Variants in BICC1 observed in about 807,000 individuals in gnomAD.
BICC1 encodes protein bicaudal C homolog 1.
BICC1 carries 43 observed loss-of-function variants against 111.0 expected under a neutral mutation model. The observed-to-expected ratio is 0.39, with a 90% CI of 0.30 to 0.50. BICC1 has a LOEUF of 0.50. Ranked by LOEUF, BICC1 falls within the 20% of genes least tolerant of loss-of-function variation. The probability of loss-of-function intolerance (pLI) is 0.88; values close to 1 mark genes in which losing one functional copy is unlikely to be tolerated. For synonymous variants in BICC1, 467 were observed against 434.4 expected, an observed-to-expected ratio of 1.07 and a Z score of -0.93; for missense variants, 1,091 against 1,203.2, an observed-to-expected ratio of 0.91 and a Z score of 1.38.
At chr10:58,754,380 G>A (rs1842079621) in intron 3 of BICC1, among the ~76,000 whole-genome samples, 1 of 152,198 alleles carries the variant, frequency 6.6e-6, no homozygotes, top group East Asian at 1.9e-4. Context: ...AACGAATGTA[G>A]CAAATTCTGT....
At chr10:58,529,271 A>G (rs1649015) in intron 1 of BICC1, among the ~76,000 whole-genome samples, 69,756 of 151,680 alleles carry the variant, frequency 0.46, 17,099 homozygotes, top group Admixed American at 0.62. Flanking sequence ...TAGCATCTAA[A>G]CCACTAGAGT....
At chr10:58,537,456 A>C (rs1842854293) in intron 1 of BICC1, among the ~76,000 whole-genome samples, 1 of 151,796 alleles carries the variant, frequency 6.6e-6, no homozygotes, top group South Asian at 2.1e-4. Flanking sequence ...AAAAATTCTC[A>C]ACAAACTAGT....
chr10:58,797,977 G>A (rs1843411260), intron 10 of BICC1, among the ~76,000 whole-genome samples: 1 of 152,190 alleles, frequency 6.6e-6, no homozygotes, highest in Non-Finnish European at 1.5e-5. Flanking sequence ...CCACAGGAAA[G>A]CATTCCCTAG....
In BICC1 at chr10:58,595,294, TAGAC is replaced by T. The variant is rs571058052; in HGVS notation, c.191-25557_191-25554del. Among the ~76,000 whole-genome samples the T allele has an allele frequency of 1.8e-3, 276 of 152,260 alleles. 2 individuals are homozygous for T. The highest frequency in any genetic ancestry group is 6.0e-3 in the African/African-American group (250 of 41,554). ...GATTTTAACACCCTACTGTCAATAT[TAGAC>T]AGATCAACGAGACAGAAAATTAACA... On this transcript the variant is annotated intron_variant, in intron 1 of 20. Transcript: ENST00000373886.
chr10:58,665,470 A>G (rs1395641662), intron 2 of BICC1, among the ~76,000 whole-genome samples: 6 of 152,080 alleles, frequency 3.9e-5, no homozygotes, highest in African/African-American at 1.2e-4. Context: ...CCTTGGCCTC[A>G]GAGAGTATTT....
Position 58,738,445 on chromosome 10 carries a change from A to G in BICC1, c.307+36302A>G, listed in dbSNP as rs144489666. 7.7e-3 allele frequency among the ~76,000 whole-genome samples: 1,174 copies of G among 152,172 alleles called. 19 individuals carry two copies. The highest frequency in any genetic ancestry group is 0.026 in the African/African-American group (1,092 of 41,508). Reference sequence around the variant, plus strand: ...GGGCTCTGTTCTGTTCCATTGGTCTATATCTCTGTGTTGGTGCCAGTACCA... The same window carrying G: ...GGGCTCTGTTCTGTTCCATTGGTCTGTATCTCTGTGTTGGTGCCAGTACCA... On this transcript the variant is annotated intron_variant, in intron 3 of 20. Transcript: ENST00000373886.
At chr10:58,750,317 C>T (rs1396620049) in intron 3 of BICC1, among the ~76,000 whole-genome samples, 1 of 152,032 alleles carries the variant, frequency 6.6e-6, no homozygotes, top group Non-Finnish European at 1.5e-5. Flanking sequence ...CAGCCATAGA[C>T]AAGCATTATT....
chr10:58,570,732 A>C (rs899558262), intron 1 of BICC1, among the ~76,000 whole-genome samples: 4 of 152,152 alleles, frequency 2.6e-5, no homozygotes, highest in Non-Finnish European at 5.9e-5. Flanking sequence ...AGGTCAGGGA[A>C]GTTATGTGCA....
chr10:58,565,522 C>T (rs376452543), intron 1 of BICC1, among the ~76,000 whole-genome samples: 2 of 152,322 alleles, frequency 1.3e-5, no homozygotes, highest in South Asian at 2.1e-4. Flanking sequence ...TCTCATCCTT[C>T]ACAGCAGCTG....
chr10:58,708,023 TA>T (rs1840447954), intron 3 of BICC1, among the ~76,000 whole-genome samples: 6 of 137,546 alleles, frequency 4.4e-5, no homozygotes, highest in Non-Finnish European at 6.4e-5. Context: ...TTTGTATTTT[TA>T]GTAGAGACAG....
chr10:58,689,425 G>T (rs1025009033), intron 2 of BICC1, among the ~76,000 whole-genome samples: 1 of 152,164 alleles, frequency 6.6e-6, no homozygotes, highest in South Asian at 2.1e-4. Context: ...TTGATTCCAG[G>T]ATTCTGGGTA....
chr10:58,594,179 A>G (rs1299977969), intron 1 of BICC1, among the ~76,000 whole-genome samples: 1 of 151,950 alleles, frequency 6.6e-6, no homozygotes, highest in East Asian at 1.9e-4. Context: ...TTAGAGAAAA[A>G]AGGATAAAAA....
intron 2 of BICC1, among the ~76,000 whole-genome samples, chr10:58,690,926 G>A (rs1321593908): frequency 6.6e-6 from 1 of 152,112 alleles, no homozygotes; most frequent in Non-Finnish European, 1.5e-5. Context: ...TTGATATTTT[G>A]TTAAATCAGT....
chr10:58,580,436 G>T (rs1048907670), intron 1 of BICC1, among the ~76,000 whole-genome samples: 3 of 152,098 alleles, frequency 2.0e-5, no homozygotes, highest in African/African-American at 7.2e-5. Context: ...CAAAGGAAAT[G>T]TTCATTGGAG....
At chr10:58,696,214 TA>T (rs548156204) in intron 2 of BICC1, among the ~76,000 whole-genome samples, 2 of 152,198 alleles carry the variant, frequency 1.3e-5, no homozygotes, top group South Asian at 4.1e-4. Context: ...TTCCTATTTA[TA>T]AAATTTAAAT....
In BICC1 at chr10:58,826,301, G is replaced by T. The variant is rs148569063; in HGVS notation, c.2795-2460G>T. Among the ~76,000 whole-genome samples the T allele has an allele frequency of 3.3e-5, 5 of 152,272 alleles. No individual in the cohort carries two copies. The East Asian group carries it at 9.6e-4, about 29-fold the overall frequency. ...GGCTTAACAAATTTGAAGATAACAG[G>T]ATAAGGAGCTTTTGTCAACCACTAG... is the stretch of plus-strand genomic sequence containing the variant. On this transcript the variant is annotated intron_variant, in intron 20 of 20. Transcript: ENST00000373886.
chr10:58,591,989 A>T (rs1272112792), intron 1 of BICC1, among the ~76,000 whole-genome samples: 1 of 152,236 alleles, frequency 6.6e-6, no homozygotes, highest in East Asian at 1.9e-4. Context: ...GTAATACAGA[A>T]TATACTTTCC....
intron 3 of BICC1, among the ~76,000 whole-genome samples, chr10:58,740,841 G>T (rs775707682): frequency 2.2e-4 from 33 of 152,152 alleles, no homozygotes; most frequent in Non-Finnish European, 4.3e-4. Context: ...GGCTTTGGCC[G>T]ACCAAAGGCG....
At chr10:58,626,436 G>A (rs892707345) in intron 2 of BICC1, among the ~76,000 whole-genome samples, 1 of 152,114 alleles carries the variant, frequency 6.6e-6, no homozygotes, top group Admixed American at 6.5e-5. Flanking sequence ...AGGTTGTTTA[G>A]TCATCATCTA....
Sources: gnomAD v4.1 joint callset for allele counts (sites outside exome capture counted in the v4.1 genomes callset) on GRCh38, gnomAD v4.1.1 for gene constraint, MANE v1.5 for transcripts, NCBI Gene and HGNC (gene_info 2026-07-23, HGNC 2026-07-21) for gene names.